Variants in ABLIM2 observed in about 807,000 individuals in gnomAD.
The protein encoded by ABLIM2 is actin-binding LIM protein 2.
ABLIM2 carries 53 observed loss-of-function variants against 97.7 expected under a neutral mutation model. The ratio of observed to expected loss-of-function variants is 0.54; its 90% CI spans 0.44 to 0.68. The LOEUF (loss-of-function observed/expected upper bound fraction) is 0.68. Ranked by LOEUF, ABLIM2 falls within the 30% of genes least tolerant of loss-of-function variation. The pLI, the probability that ABLIM2 is intolerant of heterozygous loss-of-function variation, is 0.00. For synonymous variants in ABLIM2, 361 were observed against 345.8 expected, an observed-to-expected ratio of 1.04 and a Z score of -0.49; for missense variants, 835 against 867.2, an observed-to-expected ratio of 0.96 and a Z score of 0.47.
intron 1 of ABLIM2, among the ~76,000 whole-genome samples, chr4:8,114,785 T>C (rs1842099326): frequency 9.7e-6 from 1 of 102,814 alleles, no homozygotes; most frequent in South Asian, 6.3e-4. Flanking sequence ...ACCGGGCCGA[T>C]GTTGGGCAGC....
intron 16 of ABLIM2, among the ~76,000 whole-genome samples, chr4:8,006,092 G>A (rs888107857): frequency 9.9e-5 from 15 of 152,240 alleles, no homozygotes; most frequent in African/African-American, 3.1e-4. Flanking sequence ...TCTGGGCCTC[G>A]CAAGGCTGGC....
chr4:8,047,786 C>T (rs1393171196), intron 8 of ABLIM2, among the ~76,000 whole-genome samples: 1 of 152,252 alleles, frequency 6.6e-6, no homozygotes, highest in Non-Finnish European at 1.5e-5. Flanking sequence ...AGGATTAGAT[C>T]AGGGATGAGG....
rs73075996 is a variant in ABLIM2 at position 8,140,588 on chromosome 4, G to A, written c.10+18092C>T. On this transcript the variant is annotated intron_variant, in intron 1 of 20. Coordinates refer to ENST00000447017, the MANE Select transcript of ABLIM2 (RefSeq NM_001130083.2). This position sits in a 1 kb window ranked among gnomAD's most constrained non-coding sequence, Gnocchi z 5.9. Reference sequence around the variant, plus strand: ...TCAATGCCCCTTCAAAAACAAACGCGCATTCTGTCTGTGATACCGTTACTC... The same window carrying A: ...TCAATGCCCCTTCAAAAACAAACGCACATTCTGTCTGTGATACCGTTACTC... Among the ~76,000 whole-genome samples the A allele has an allele frequency of 0.011, 1,738 of 152,220 alleles. 36 individuals are homozygous for A. The highest frequency in any genetic ancestry group is 0.039 in the African/African-American group (1,629 of 41,522).
intron 16 of ABLIM2, among the ~76,000 whole-genome samples, chr4:7,997,791 C>G (rs939038359): frequency 6.6e-6 from 1 of 152,148 alleles, no homozygotes; most frequent in Non-Finnish European, 1.5e-5. Context: ...CTTGTTGAAG[C>G]ATTTTTTAGT....
chr4:8,118,464 A>G (rs1843761974), intron 1 of ABLIM2, among the ~76,000 whole-genome samples: 1 of 152,202 alleles, frequency 6.6e-6, no homozygotes, highest in African/African-American at 2.4e-5. Flanking sequence ...GGCCGTCAGC[A>G]TGATGGAGTC....
intron 17 of ABLIM2, among the ~76,000 whole-genome samples, chr4:7,987,330 C>T (rs935121941): frequency 8.7e-4 from 132 of 152,000 alleles, no homozygotes; most frequent in African/African-American, 3.0e-3. Context: ...GCTGTGTTGC[C>T]CAGGCTGGTC....
At chr4:7,971,958 C>T (rs1204066886) in intron 20 of ABLIM2, among the ~76,000 whole-genome samples, 2 of 152,150 alleles carry the variant, frequency 1.3e-5, no homozygotes, top group African/African-American at 4.8e-5. Flanking sequence ...GGCCTGGGCT[C>T]CGTGGTGCAT....
In ABLIM2 at chr4:8,140,845, G is replaced by A. The variant is rs1296766344; in HGVS notation, c.10+17835C>T. Reference sequence around the variant, plus strand: ...TGGGGTTCAGGGCAGGGAGGTGGCTGCCAAGAAGAGCTATGAAGAATTAGA... The same window carrying A: ...TGGGGTTCAGGGCAGGGAGGTGGCTACCAAGAAGAGCTATGAAGAATTAGA... On this transcript the variant is annotated intron_variant, in intron 1 of 20. Coordinates refer to ENST00000447017, the MANE Select transcript of ABLIM2 (RefSeq NM_001130083.2). This position sits in a 1 kb window ranked among gnomAD's most constrained non-coding sequence, Gnocchi z 5.9. Among the ~76,000 whole-genome samples the A allele has an allele frequency of 6.6e-6, 1 of 152,142 alleles. No homozygotes were observed. Among genetic ancestry groups the A allele is most frequent in the African/African-American group, 2.4e-5 (1 of 41,402 alleles).
chr4:8,058,204 G>T lies in ABLIM2; in HGVS notation c.763+2763C>A, dbSNP rs776254793. On this transcript the variant is annotated intron_variant, in intron 7 of 20. Coordinates refer to ENST00000447017, the MANE Select transcript of ABLIM2 (RefSeq NM_001130083.2). This position sits in a 1 kb window ranked among gnomAD's most constrained non-coding sequence, Gnocchi z 4.2. ...GTCTAAGGGTGCCCTTTACTGTGGGGGCCAAACCCCATGCAGAGCAAGGCC... is the reference window on the plus strand; with the variant it reads ...GTCTAAGGGTGCCCTTTACTGTGGGTGCCAAACCCCATGCAGAGCAAGGCC... Among the ~76,000 whole-genome samples, 1 of 152,220 alleles carries T rather than the reference G, an allele frequency of 6.6e-6. No homozygotes were observed. The highest frequency in any genetic ancestry group is 2.4e-5 in the African/African-American group (1 of 41,454).
chr4:8,093,737 G>T (rs771082323), intron 3 of ABLIM2, among the ~76,000 whole-genome samples: 6 of 152,142 alleles, frequency 3.9e-5, no homozygotes, highest in Admixed American at 1.3e-4. Context: ...TCATACATTT[G>T]TTCCTCTGTA....
Position 8,044,049 on chromosome 4 carries a change from A to C in ABLIM2, c.900+1115T>G, listed in dbSNP as rs1249390237. Among the ~76,000 whole-genome samples, 1 of 152,216 alleles carries C rather than the reference A, an allele frequency of 6.6e-6. No homozygotes were observed. Among genetic ancestry groups the C allele is most frequent in the Non-Finnish European group, 1.5e-5 (1 of 68,034 alleles). ...GTAACTGAGGACTCGTGCACCCCTC[A>C]GTGGCACTGTCAGGATTAAGGTCAG... On this transcript the variant is annotated intron_variant, in intron 9 of 20. Transcript: ENST00000447017. This position sits in a 1 kb window ranked among gnomAD's most constrained non-coding sequence, Gnocchi z 4.4.
intron 14 of ABLIM2, among the ~76,000 whole-genome samples, chr4:8,014,043 G>C (rs183433748): frequency 5.4e-4 from 83 of 152,332 alleles, no homozygotes; most frequent in African/African-American, 1.8e-3. Flanking sequence ...ACTGTGCCAG[G>C]GGTGCCAGCC....
At chr4:8,037,066 GT>G (rs1477052676) in intron 9 of ABLIM2, among the ~76,000 whole-genome samples, 1 of 152,180 alleles carries the variant, frequency 6.6e-6, no homozygotes, top group Non-Finnish European at 1.5e-5. Flanking sequence ...CAATGCAAAT[GT>G]TGGGTAAATC....
chr4:8,060,883 C>A (rs1580166187), intron 7 of ABLIM2, 84 bp downstream of exon 7: 2 of 1,197,820 alleles, frequency 1.7e-6, no homozygotes, highest in Non-Finnish European at 2.4e-6. Context: ...CTGTCACCAA[C>A]CTGTTCACAC....
At chr4:8,091,302 ATAT>A (rs1408079475) in intron 3 of ABLIM2, among the ~76,000 whole-genome samples, 2 of 40,726 alleles carry the variant, frequency 4.9e-5, no homozygotes, top group African/African-American at 2.6e-4. Flanking sequence ...ATTATATATT[ATAT>A]TATATATATA....
rs1211836376 is a variant in ABLIM2 at position 8,149,289 on chromosome 4, G to A, written c.10+9391C>T. ...CTGTGGCAAAATCCTTCACATAGTCGCATATGAACAGTCATTTTGCCGCAT... is the reference window on the plus strand; with the variant it reads ...CTGTGGCAAAATCCTTCACATAGTCACATATGAACAGTCATTTTGCCGCAT... On this transcript the variant is annotated intron_variant, in intron 1 of 20. Coordinates refer to ENST00000447017, the MANE Select transcript of ABLIM2 (RefSeq NM_001130083.2). The surrounding 1 kb of genome is among the most constrained non-coding windows in gnomAD (Gnocchi z 6.4). 2.0e-5 allele frequency among the ~76,000 whole-genome samples: 3 copies of A among 152,126 alleles called. No homozygotes were observed. Among genetic ancestry groups the A allele is most frequent in the African/African-American group, 7.2e-5 (3 of 41,428 alleles).
chr4:8,114,462 C>T (rs1454122008), intron 1 of ABLIM2, among the ~76,000 whole-genome samples: 5 of 152,222 alleles, frequency 3.3e-5, no homozygotes, highest in Non-Finnish European at 7.3e-5. Flanking sequence ...CTCAGGTTCT[C>T]ACTTTATAGG....
At chr4:8,057,098 C>CTT (rs11333108) in intron 7 of ABLIM2, among the ~76,000 whole-genome samples, 6 of 130,152 alleles carry the variant, frequency 4.6e-5, no homozygotes, top group South Asian at 2.6e-4. Flanking sequence ...TTCTTTCTTT[C>CTT]TTTTTTTTTT....
At chr4:8,111,692 T>C (rs1033533862) in intron 1 of ABLIM2, among the ~76,000 whole-genome samples, 1 of 152,130 alleles carries the variant, frequency 6.6e-6, no homozygotes, top group Non-Finnish European at 1.5e-5. Context: ...TTTGGGAAGC[T>C]GAGGTGGGTG....
Sources: allele counts gnomAD v4.1 joint callset (sites outside exome capture counted in the v4.1 genomes callset), GRCh38; gene constraint gnomAD v4.1.1; non-coding constraint Gnocchi (gnomAD v3.1); transcripts MANE v1.5; gene names NCBI Gene and HGNC (gene_info 2026-07-23, HGNC 2026-07-21).